Variants in THAP5 observed in about 807,000 individuals in gnomAD.
THAP5 encodes THAP domain-containing protein 5.
A neutral mutation model predicts 34.0 loss-of-function variants in THAP5; 26 were observed. The ratio of observed to expected loss-of-function variants is 0.77; its 90% CI spans 0.56 to 1.06. The LOEUF (loss-of-function observed/expected upper bound fraction) is 1.06. Ranked by LOEUF, THAP5 falls within the 50% of genes least tolerant of loss-of-function variation. THAP5 has a pLI of 0.00. For missense variants in THAP5, 394 were observed against 452.8 expected, an observed-to-expected ratio of 0.87 and a Z score of 1.18; for synonymous variants, 125 against 153.0, an observed-to-expected ratio of 0.82 and a Z score of 1.35.
In THAP5 at chr7:108,565,929, A is replaced by T; in HGVS notation, c.174T>A (p.Ser58Arg). ...WVPSKYQFLC[S>R]DHFTPDSLDI... ...CAAGAGAGTCAGGAGTAAAATGGTCACTACATAGAAACTGGTATTTACTGG... is the reference window on the plus strand; with the variant it reads ...CAAGAGAGTCAGGAGTAAAATGGTCTCTACATAGAAACTGGTATTTACTGG... Residue 58 changes from serine to arginine, a missense_variant, in exon 2 of 3, where the codon AGT (serine) becomes AGA (arginine). Coordinates refer to ENST00000415914, the MANE Select transcript of THAP5 (RefSeq NM_001130475.3). The T allele has an allele frequency of 6.4e-7, 1 of 1,551,096 alleles. No individual in the cohort carries two copies.
downstream of THAP5, among the ~76,000 whole-genome samples, chr7:108,560,069 A>T (rs954316063): frequency 1.3e-5 from 2 of 152,152 alleles, no homozygotes; most frequent in African/African-American, 4.8e-5. Context: ...ATTATGTTAA[A>T]ACTATTTATT....
At chr7:108,545,501 GA>G in the THAP5 span, among the ~76,000 whole-genome samples, 1 of 152,168 alleles carries the variant, frequency 6.6e-6, no homozygotes, top group African/African-American at 2.4e-5. Flanking sequence ...ATATATCTGT[GA>G]AGATAGAGAA....
chr7:108,548,159 A>G, the THAP5 span, among the ~76,000 whole-genome samples: 2 of 152,234 alleles, frequency 1.3e-5, no homozygotes, highest in African/African-American at 4.8e-5. Context: ...TGCCTGAATA[A>G]TGGGACAATA....
intron 1 of THAP5, among the ~76,000 whole-genome samples, chr7:108,566,991 G>T (rs548813279): frequency 6.6e-6 from 1 of 152,122 alleles, no homozygotes; most frequent in East Asian, 1.9e-4. Context: ...ACAATATAAG[G>T]TTTCTCATAT....
chr7:108,554,673 C>A (rs879941950), exon 2 of THAP5: 2 of 152,188 alleles, frequency 1.3e-5, no homozygotes, highest in Non-Finnish European at 2.9e-5. Flanking sequence ...GCCTCATTTA[C>A]CTGCATCATC....
downstream of THAP5, among the ~76,000 whole-genome samples, chr7:108,552,090 A>G (rs1387885815): frequency 6.6e-6 from 1 of 152,148 alleles, no homozygotes; most frequent in African/African-American, 2.4e-5. Flanking sequence ...ACCATTCAGT[A>G]TATACACTTT....
Position 108,564,663 on chromosome 7 carries a change from C to T in THAP5, c.716G>A (p.Ser239Asn), listed in dbSNP as rs200941393. The change falls in exon 3 of 3, where the codon AGT becomes AAT. Residue 239 changes from serine (S) to asparagine (N), a missense_variant. Physicochemically the swap from Ser to Asn is conservative, Grantham distance 46. Transcript: ENST00000415914. Reference sequence around the variant, plus strand: ...TGCTGACTTTATTTCCATGGAATTACTTGTAAAGTTTGGATTAGCAAGATG... The same window carrying T: ...TGCTGACTTTATTTCCATGGAATTATTTGTAAAGTTTGGATTAGCAAGATG... ...TSHLANPNFT[S>N]NSMEIKSAQE... 5.0e-6 allele frequency: 8 copies of T among 1,613,864 alleles called. No homozygotes were observed. The South Asian group carries it at 5.5e-5, about 11-fold the overall frequency.
chr7:108,543,359 A>G, the THAP5 span, among the ~76,000 whole-genome samples: 2 of 152,192 alleles, frequency 1.3e-5, no homozygotes, highest in Non-Finnish European at 2.9e-5. Flanking sequence ...AGAAGCTGCA[A>G]GGCTTTTTAT....
chr7:108,545,254 G>A, the THAP5 span, among the ~76,000 whole-genome samples: 3 of 152,190 alleles, frequency 2.0e-5, no homozygotes, highest in Non-Finnish European at 4.4e-5. Flanking sequence ...GTAGTGTTAA[G>A]AATGTCTATA....
the THAP5 span, among the ~76,000 whole-genome samples, chr7:108,546,240 G>A: frequency 6.6e-6 from 1 of 152,120 alleles, no homozygotes; most frequent in Non-Finnish European, 1.5e-5. Flanking sequence ...AAAAATTTGA[G>A]GGCTTGCTAG....
Position 108,569,472 on chromosome 7 carries a change from G to GCTC in THAP5, c.80+15_80+17dup, listed in dbSNP as rs1399603278. ...GCCTCACGGCGAGGCTGACGCTTCT[G>GCTC]CTCCAGAAACAACTTACGGATAAAA... On this transcript the variant is annotated intron_variant, in intron 1 of 2. Coordinates refer to ENST00000415914, the MANE Select transcript of THAP5 (RefSeq NM_001130475.3). 1 of 1,551,468 alleles carries GCTC rather than the reference G, an allele frequency of 6.4e-7. No homozygotes were observed.
downstream of THAP5, among the ~76,000 whole-genome samples, chr7:108,558,353 G>A (rs1171734853): frequency 2.2e-5 from 3 of 136,534 alleles, no homozygotes; most frequent in African/African-American, 8.4e-5. Flanking sequence ...ATAGTTTTAT[G>A]TGTATATATG....
intron 1 of THAP5, among the ~76,000 whole-genome samples, chr7:108,567,671 C>A (rs1366065144): frequency 6.6e-6 from 1 of 152,164 alleles, no homozygotes; most frequent in African/African-American, 2.4e-5. Flanking sequence ...AAACTGGACA[C>A]TATATTAACT....
At chr7:108,550,465 C>T (rs40926), downstream of THAP5, among the ~76,000 whole-genome samples, 46,848 of 135,640 alleles carry the variant, frequency 0.35, 7,598 homozygotes, top group African/African-American at 0.39. Flanking sequence ...ATTTTCTTTG[C>T]TCCATTTTTT....
chr7:108,549,266 T>G, the THAP5 span, among the ~76,000 whole-genome samples: 1 of 151,854 alleles, frequency 6.6e-6, no homozygotes, highest in African/African-American at 2.4e-5. Context: ...GGACTACAGG[T>G]GCACACCACC....
chr7:108,550,788 C>T (rs73426197), downstream of THAP5, among the ~76,000 whole-genome samples: 1,692 of 152,276 alleles, frequency 0.011, 22 homozygotes, highest in African/African-American at 0.037. Context: ...CAATAAGGCT[C>T]ACCCTAATGG....
At chr7:108,547,142 G>A in the THAP5 span, among the ~76,000 whole-genome samples, 3 of 152,296 alleles carry the variant, frequency 2.0e-5, no homozygotes, top group African/African-American at 7.2e-5. Flanking sequence ...GGAATTGTTT[G>A]AACAATTTGT....
At chr7:108,555,944 G>C (rs1162742811) in intron 1 of THAP5, among the ~76,000 whole-genome samples, 1 of 151,964 alleles carries the variant, frequency 6.6e-6, no homozygotes, top group Non-Finnish European at 1.5e-5. Context: ...CTCAGGTAAT[G>C]CACCTGCCTC....
the THAP5 span, among the ~76,000 whole-genome samples, chr7:108,548,241 A>G: frequency 1.3e-5 from 2 of 152,238 alleles, no homozygotes; most frequent in Non-Finnish European, 2.9e-5. Context: ...AATTAGACCC[A>G]GCAAAACAGC....
Sources: gnomAD v4.1 joint callset for allele counts (sites outside exome capture counted in the v4.1 genomes callset) on GRCh38, gnomAD v4.1.1 for gene constraint, MANE v1.5 for transcripts, NCBI Gene and HGNC (gene_info 2026-07-23, HGNC 2026-07-21) for gene names.